MEIOSIN: variants seen among roughly 807,000 people sequenced by gnomAD.
MEIOSIN encodes the protein meiosis initiator, also known as meiosis initiator protein.
MEIOSIN carries 18 observed loss-of-function variants against 23.4 expected under a neutral mutation model. That is an observed-to-expected ratio of 0.77 (90% CI 0.53 to 1.14). MEIOSIN has a LOEUF of 1.14. Among genes scored for constraint, MEIOSIN ranks in the 50% most tolerant of loss-of-function variants. The probability of loss-of-function intolerance (pLI) is 0.00; values close to 1 mark genes in which losing one functional copy is unlikely to be tolerated. For missense variants in MEIOSIN, 428 were observed against 242.9 expected (o/e 1.76, Z -5.07); for synonymous variants, 187 against 100.6 (o/e 1.86, Z -5.14).
At chr19:45,751,656 A>G (rs1230238713) in intron 5 of MEIOSIN, among the ~76,000 whole-genome samples, 1 of 149,182 alleles carries the variant, frequency 6.7e-6, no homozygotes, top group Non-Finnish European at 1.5e-5. Flanking sequence ...TTTACACTAC[A>G]GTAACAGCGA....
rs555780917 is a variant in MEIOSIN, at chr19:45,760,334, G to A, written c.1245+844G>A. 2.0e-5 allele frequency among the ~76,000 whole-genome samples: 3 copies of A among 152,298 alleles called. No individual in the cohort carries two copies. In the South Asian group the frequency reaches 6.2e-4, roughly 32 times the overall value. On this transcript the variant is annotated intron_variant, in intron 11 of 14. Transcript: ENST00000457052. Reference sequence around the variant, plus strand: ...AATACAAGAAGTGTCCGGGCGTGGTGGCTCACGCCTGTAATCCCACTATTT... The same window carrying A: ...AATACAAGAAGTGTCCGGGCGTGGTAGCTCACGCCTGTAATCCCACTATTT...
Position 45,754,240 on chromosome 19 carries a change from G to T in MEIOSIN, c.557-239G>T, listed in dbSNP as rs149826437. Among the ~76,000 whole-genome samples, 899 of 152,300 alleles carry T rather than the reference G, an allele frequency of 5.9e-3. 7 individuals are homozygous for T. Among genetic ancestry groups the T allele is most frequent in the Admixed American group, 0.013 (203 of 15,296 alleles). ...AATCTGCCTGCCTCGGCCTCCCAAAGCGCTGGGATTACAAGCATGAGCCAC... is the reference window on the plus strand; with the variant it reads ...AATCTGCCTGCCTCGGCCTCCCAAATCGCTGGGATTACAAGCATGAGCCAC... On this transcript the variant is annotated intron_variant, in intron 6 of 14. Coordinates refer to ENST00000457052, the MANE Select transcript of MEIOSIN (RefSeq NM_001310124.2).
chr19:45,735,184 A>G (rs1403665747), intron 1 of MEIOSIN, among the ~76,000 whole-genome samples, 193 bp from the exon 2 acceptor site: 2 of 152,014 alleles, frequency 1.3e-5, no homozygotes, highest in Non-Finnish European at 2.9e-5. Context: ...GTGAGCTACC[A>G]CTTCTGGCCA....
chr19:45,757,729 C>T (rs543830661), intron 9 of MEIOSIN, among the ~76,000 whole-genome samples: 2 of 152,174 alleles, frequency 1.3e-5, no homozygotes, highest in African/African-American at 4.8e-5. Flanking sequence ...CCATGTTGGC[C>T]AGGCTGGTCT....
rs1969015536 is a variant in MEIOSIN at position 45,764,300 on chromosome 19, C to T, written c.*182C>T. ...CCGCTGGGCACATTTGCCTGGAGCACCAGAGTCACCCACAGCTGCCTTGAT... is the reference window on the plus strand; with the variant it reads ...CCGCTGGGCACATTTGCCTGGAGCATCAGAGTCACCCACAGCTGCCTTGAT... On this transcript the variant is annotated 3_prime_UTR_variant, in exon 15 of 15. Transcript: ENST00000457052. The T allele has an allele frequency of 5.1e-6, 2 of 395,378 alleles. No individual in the cohort carries two copies. Among genetic ancestry groups the T allele is most frequent in the African/African-American group, 4.1e-5 (2 of 48,558 alleles). The allele number at this position is 395,378 out of a possible 1,614,324, so 24.5% of individuals were successfully genotyped here. A position where few individuals can be genotyped will look rare whatever the true frequency, so the allele number is the denominator to read the frequency against.
Position 45,753,642 on chromosome 19 carries a change from T to A in MEIOSIN, c.419-9T>A, listed in dbSNP as rs1968757800. Reference sequence around the variant, plus strand: ...GGGATCTGAGCTGTTTCCCTCTCCATCCCTGCAGGGCTGGGTCAGAAACCA... The same window carrying A: ...GGGATCTGAGCTGTTTCCCTCTCCAACCCTGCAGGGCTGGGTCAGAAACCA... On this transcript the variant is annotated splice_polypyrimidine_tract_variant and intron_variant, in intron 5 of 14. Coordinates refer to ENST00000457052, the MANE Select transcript of MEIOSIN (RefSeq NM_001310124.2). The A allele has an allele frequency of 5.7e-6, 4 of 699,274 alleles. No individual in the cohort carries two copies. In the Admixed American group the frequency reaches 6.1e-5, roughly 11 times the overall value. The allele number at this position is 699,274 out of a possible 1,614,324, so 43.3% of individuals were successfully genotyped here.
chr19:45,748,483 G>A (rs1600381711), intron 4 of MEIOSIN, among the ~76,000 whole-genome samples: 1 of 152,242 alleles, frequency 6.6e-6, no homozygotes, highest in East Asian at 1.9e-4. Context: ...TTTGTTGAAT[G>A]ACTGAATGAG....
intron 11 of MEIOSIN, among the ~76,000 whole-genome samples, chr19:45,761,386 T>G (rs1035229031): frequency 6.6e-6 from 1 of 150,542 alleles, no homozygotes; most frequent in Non-Finnish European, 1.5e-5. Flanking sequence ...CCTCCGAAAG[T>G]GCTGAGATTA....
chr19:45,759,747 C>T (rs191175973), intron 11 of MEIOSIN, among the ~76,000 whole-genome samples: 40 of 152,112 alleles, frequency 2.6e-4, no homozygotes, highest in African/African-American at 9.2e-4. Flanking sequence ...ATAAAAGCTG[C>T]CAGGTGCCCA....
chr19:45,754,286 T>A (rs1408960167), intron 6 of MEIOSIN, among the ~76,000 whole-genome samples, 193 bp from the exon 7 acceptor site: 2 of 152,166 alleles, frequency 1.3e-5, no homozygotes, highest in Non-Finnish European at 2.9e-5. Context: ...CAGTGTTTTT[T>A]AAAGGTCGCA....
At chr19:45,746,967 G>T (rs10418603) in intron 4 of MEIOSIN, among the ~76,000 whole-genome samples, 28,006 of 152,120 alleles carry the variant, frequency 0.18, 2,853 homozygotes, top group East Asian at 0.44. Flanking sequence ...TACAGTCCAC[G>T]ATGGTGCTAA....
At chr19:45,760,550 A>G (rs749375560) in intron 11 of MEIOSIN, among the ~76,000 whole-genome samples, 3 of 151,872 alleles carry the variant, frequency 2.0e-5, no homozygotes, top group Non-Finnish European at 2.9e-5. Context: ...GGGTTGCAGT[A>G]AGCCAAGATG....
Position 45,754,489 on chromosome 19 carries a change from T to A in MEIOSIN, c.567T>A (p.Thr189=), listed in dbSNP as rs1362976107. Residue 189 remains threonine, a synonymous_variant, in exon 7 of 15, where the codon ACT becomes ACA. Transcript: ENST00000457052. ...CCTCTGCTCCCCCAGAAAGCCAGAC[T>A]CGGACCCCGAAGCCTCGCCGCTCTC... ...KKLTQASESQ[T]RTPKPRRSLA... The A allele has an allele frequency of 1.1e-5, 8 of 702,394 alleles. No homozygotes were observed. The highest frequency in any genetic ancestry group is 4.6e-4 in the Middle Eastern group (2 of 4,386). 43.5% of individuals were successfully genotyped at this position (702,394 alleles called of 1,614,324 possible). A position where few individuals can be genotyped will look rare whatever the true frequency, so the allele number is the denominator to read the frequency against.
At chr19:45,759,120 G>A in intron 10 of MEIOSIN, 87 bp downstream of exon 10, 1 of 683,356 alleles carries the variant, frequency 1.5e-6, no homozygotes, top group Admixed American at 2.0e-5. Flanking sequence ...GGGTGCCCGG[G>A]GTGAATCCTG....
chr19:45,751,417 A>G (rs766980069), intron 5 of MEIOSIN, among the ~76,000 whole-genome samples: 1 of 151,828 alleles, frequency 6.6e-6, no homozygotes, highest in Non-Finnish European at 1.5e-5. Context: ...GCTGGAAACC[A>G]TTTGGGATCT....
At chr19:45,734,753 C>G (rs888845383) in intron 1 of MEIOSIN, among the ~76,000 whole-genome samples, 2 of 150,178 alleles carry the variant, frequency 1.3e-5, no homozygotes, top group Non-Finnish European at 3.0e-5. Flanking sequence ...AATCCTCCTG[C>G]CTTGGCCTCC....
rs2146203980 is a variant in MEIOSIN at position 45,764,310 on chromosome 19, C to T, written c.*192C>T. 2.5e-6 allele frequency: 1 copy of T among 394,976 alleles called. No homozygotes were observed. 24.5% of individuals were successfully genotyped at this position (394,976 alleles called of 1,614,324 possible). On this transcript the variant is annotated 3_prime_UTR_variant, in exon 15 of 15. Coordinates refer to ENST00000457052, the MANE Select transcript of MEIOSIN (RefSeq NM_001310124.2). The stretch of plus-strand genomic sequence containing the variant: ...CATTTGCCTGGAGCACCAGAGTCAC[C>T]CACAGCTGCCTTGATTCTCCCCCAG...
intron 5 of MEIOSIN, 61 bp downstream of exon 5, chr19:45,750,847 C>T (rs748833112): frequency 3.8e-6 from 2 of 519,992 alleles, no homozygotes; most frequent in Non-Finnish European, 6.8e-6. Flanking sequence ...TTCCAGCCAT[C>T]AGGGATACTG....
At chr19:45,761,423 ATTTTTTTTTTTTTTTT>A (rs35838022) in intron 11 of MEIOSIN, among the ~76,000 whole-genome samples, 4 of 59,800 alleles carry the variant, frequency 6.7e-5, no homozygotes, top group African/African-American at 1.4e-4. Flanking sequence ...CGCCTGGCCT[ATTTTTTTTTTTTTTTT>A]TTTTTTTTTT....
Sources: allele counts gnomAD v4.1 joint callset (sites outside exome capture counted in the v4.1 genomes callset), GRCh38; gene constraint gnomAD v4.1.1; transcripts MANE v1.5; gene names NCBI Gene and HGNC (gene_info 2026-07-23, HGNC 2026-07-21).